Variants in SLC10A6 observed in about 807,000 individuals in gnomAD.
SLC10A6 encodes the protein sodium-dependent organic anion transporter.
Under a neutral mutation model 30.0 loss-of-function variants are expected in SLC10A6, and 27 were observed. The ratio of observed to expected loss-of-function variants is 0.90; its 90% CI spans 0.66 to 1.24. The LOEUF is 1.24. Ranked by LOEUF, SLC10A6 falls within the 50% of genes most tolerant of loss-of-function variation. The pLI is 0.00. For synonymous variants in SLC10A6, 166 were observed against 173.8 expected, an observed-to-expected ratio of 0.95 and a Z score of 0.36; for missense variants, 439 against 457.0, an observed-to-expected ratio of 0.96 and a Z score of 0.36.
rs59746499 is a variant in SLC10A6 at position 86,836,659 on chromosome 4, C to G, written c.378-3235G>C. Among the ~76,000 whole-genome samples the G allele has an allele frequency of 7.1e-3, 1,078 of 152,314 alleles. 19 individuals carry two copies. The highest frequency in any genetic ancestry group is 0.024 in the African/African-American group (1,014 of 41,568). On this transcript the variant is annotated intron_variant, in intron 1 of 5. Transcript: ENST00000273905. ...CAGTCTCAGGTATCCTGTACAGCAG[C>G]ACAAAATGGACTAAGACAATTACTA...
rs70953605 is a variant in SLC10A6, at chr4:86,824,158, TATTC to T, written c.920-260_920-257del. ...GTTGCTGACAGCTTACACACTCATATATTCATTCATTCATTCATTCATTCATTCA... is the reference window on the plus strand; with the variant it reads ...GTTGCTGACAGCTTACACACTCATATATTCATTCATTCATTCATTCATTCA... On this transcript the variant is annotated intron_variant, in intron 5 of 5. Transcript: ENST00000273905. 3.4e-3 allele frequency among the ~76,000 whole-genome samples: 522 copies of T among 152,050 alleles called. 3 individuals carry two copies. Among genetic ancestry groups the T allele is most frequent in the African/African-American group, 7.5e-3 (311 of 41,484 alleles).
At position 86,833,390 on chromosome 4, in the gene SLC10A6, G is replaced by C. The variant is rs759472191; in HGVS notation, c.412C>G (p.Leu138Val). The change falls in exon 2 of 6, where the codon CTG becomes GTG. Residue 138 changes from leucine (L) to valine (V), a missense_variant. Coordinates refer to ENST00000273905, the MANE Select transcript of SLC10A6 (RefSeq NM_197965.3). ...SMTTCSTVAA[L>V]GMMPLCIYLY... ...TAAATGCAGAGTGGCATCATTCCCA[G>C]GGCGGCCACGGTGGAACAGGTTGTC... is the stretch of plus-strand genomic sequence containing the variant. 1 of 1,613,946 alleles carries C rather than the reference G, an allele frequency of 6.2e-7. No homozygotes were observed.
chr4:86,842,847 T>TTTCTTTCTTTCG (rs1746322860), intron 1 of SLC10A6, among the ~76,000 whole-genome samples: 2 of 53,816 alleles, frequency 3.7e-5, no homozygotes, highest in Non-Finnish European at 6.8e-5. Context: ...TCTTTCTTTC[T>TTTCTTTCTTTCG]TTCTTTCTTT....
At position 86,842,529 on chromosome 4, in the gene SLC10A6, T is replaced by C. The variant is rs565578937; in HGVS notation, c.377+6210A>G. Among the ~76,000 whole-genome samples, 13 of 151,974 alleles carry C rather than the reference T, an allele frequency of 8.6e-5. No individual in the cohort carries two copies. The South Asian group carries it at 2.7e-3, about 32-fold the overall frequency. ...ACATAGTGAGACCTCATCTCTGTAA[T>C]AAAAAATAAAAAATTAGCTGGGTAT... On this transcript the variant is annotated intron_variant, in intron 1 of 5. Transcript: ENST00000273905.
At position 86,848,990 on chromosome 4, in the gene SLC10A6, C is replaced by T; in HGVS notation, c.126G>A (p.Met42Ile). Residue 42 changes from methionine to isoleucine, a missense_variant, in exon 1 of 6, where the codon ATG (methionine) becomes ATA (isoleucine). Met to Ile is a conservative substitution (Grantham distance 10). Coordinates refer to ENST00000273905, the MANE Select transcript of SLC10A6 (RefSeq NM_197965.3). Reference protein sequence around the residue: ...LVFTVVSTVMMGLLMFSLGCS... With the variant: ...LVFTVVSTVMIGLLMFSLGCS... ...ATCCCAAAGAGAACATGAGCAGCCC[C>T]ATCATCACAGTGGACACCACTGTGA... 6.2e-7 allele frequency: 1 copy of T among 1,614,178 alleles called. No homozygotes were observed. Among genetic ancestry groups the T allele is most frequent in the South Asian group, 1.1e-5 (1 of 91,070 alleles).
intron 3 of SLC10A6, 51 bp from the exon 4 acceptor site, chr4:86,828,219 A>T: frequency 6.4e-7 from 1 of 1,572,626 alleles, no homozygotes; most frequent in Non-Finnish European, 8.6e-7. Context: ...TTTTTGCTCT[A>T]TGATACAAAG....
chr4:86,829,265 G>C (rs2149410784), intron 3 of SLC10A6, among the ~76,000 whole-genome samples: 2 of 152,230 alleles, frequency 1.3e-5, no homozygotes, highest in Middle Eastern at 3.4e-3. Flanking sequence ...ACAAAAATTA[G>C]CCAGGCGTGG....
In SLC10A6 at chr4:86,833,296, C is replaced by T; in HGVS notation, c.496+10G>A. ...ACTGTTAGTCCTCCATTTCCCAGGC[C>T]CATACAGACCTATGTTCTGATAAGG... On this transcript the variant is annotated intron_variant, in intron 2 of 5. Coordinates refer to ENST00000273905, the MANE Select transcript of SLC10A6 (RefSeq NM_197965.3). 1 of 1,582,380 alleles carries T rather than the reference C, an allele frequency of 6.3e-7. No homozygotes were observed. The highest frequency in any genetic ancestry group is 8.7e-7 in the Non-Finnish European group (1 of 1,151,578).
At chr4:86,842,861 T>C (rs1403940726) in intron 1 of SLC10A6, among the ~76,000 whole-genome samples, 1 of 58,500 alleles carries the variant, frequency 1.7e-5, no homozygotes, top group Non-Finnish European at 3.0e-5. Context: ...TTTCTTTCTT[T>C]CTTTCTTTCT....
intron 1 of SLC10A6, among the ~76,000 whole-genome samples, chr4:86,845,302 G>A (rs530894284): frequency 1.1e-4 from 17 of 152,266 alleles, no homozygotes; most frequent in Non-Finnish European, 7.4e-5. Context: ...AAAGAAAGCT[G>A]GAAGAGTGTG....
intron 1 of SLC10A6, among the ~76,000 whole-genome samples, chr4:86,839,682 A>C (rs1746258076): frequency 6.6e-6 from 1 of 152,152 alleles, no homozygotes; most frequent in Non-Finnish European, 1.5e-5. Flanking sequence ...TATAATAAAC[A>C]CTCTCATACA....
At chr4:86,826,546 CAATAAATAAATA>C (rs71598412) in intron 4 of SLC10A6, among the ~76,000 whole-genome samples, 40 of 149,782 alleles carry the variant, frequency 2.7e-4, no homozygotes, top group East Asian at 5.9e-4. Context: ...AACGAGGTCT[CAATAAATAAATA>C]AATAAATAAA....
Position 86,836,130 on chromosome 4 carries a change from T to C in SLC10A6, c.378-2706A>G, listed in dbSNP as rs1459636875. ...TGAGACCATCAGAAGGAAGTTGTGG[T>C]CTTTGTTCAACAAATCCAGAATGAT... is the stretch of plus-strand genomic sequence containing the variant. On this transcript the variant is annotated intron_variant, in intron 1 of 5. Coordinates refer to ENST00000273905, the MANE Select transcript of SLC10A6 (RefSeq NM_197965.3). 3.3e-5 allele frequency among the ~76,000 whole-genome samples: 5 copies of C among 152,214 alleles called. No homozygotes were observed. The South Asian group carries it at 6.2e-4, about 19-fold the overall frequency.
Position 86,823,740 on chromosome 4 carries a change from A to G in SLC10A6, c.1082T>C (p.Met361Thr). The change falls in exon 6 of 6, where the codon ATG becomes ACG. Residue 361 changes from methionine (M) to threonine (T), a missense_variant. By Grantham distance (81) the Met-to-Thr change is moderately conservative. Transcript: ENST00000273905. ...GAITPGPPGP[M>T]DCHRALEPVG... Reference sequence around the variant, plus strand: ...TGGCTCGAGAGCCCTGTGGCAATCCATTGGCCCTGGTGGCCCAGGAGTGAT... The same window carrying G: ...TGGCTCGAGAGCCCTGTGGCAATCCGTTGGCCCTGGTGGCCCAGGAGTGAT... 1 of 1,614,112 alleles carries G rather than the reference A, an allele frequency of 6.2e-7. No homozygotes were observed. Among genetic ancestry groups the G allele is most frequent in the Non-Finnish European group, 8.5e-7 (1 of 1,179,988 alleles).
chr4:86,830,491 A>C (rs1341504780), intron 3 of SLC10A6, among the ~76,000 whole-genome samples: 3 of 152,228 alleles, frequency 2.0e-5, no homozygotes, highest in Non-Finnish European at 4.4e-5. Context: ...TCAGGTGTGC[A>C]CTATTGATGT....
At chr4:86,847,258 C>A (rs944455807) in intron 1 of SLC10A6, among the ~76,000 whole-genome samples, 12 of 152,146 alleles carry the variant, frequency 7.9e-5, no homozygotes, top group Admixed American at 6.5e-5. Context: ...TTATTATGAG[C>A]CCCAAGAAGA....
At chr4:86,847,326 C>T (rs1226325544) in intron 1 of SLC10A6, among the ~76,000 whole-genome samples, 1 of 152,160 alleles carries the variant, frequency 6.6e-6, no homozygotes, top group African/African-American at 2.4e-5. Context: ...ATATTAGTTT[C>T]CTTTTTCTTT....
rs867950312 is a variant in SLC10A6 at position 86,837,347 on chromosome 4, C to A, written c.378-3923G>T. Among the ~76,000 whole-genome samples the A allele has an allele frequency of 7.0e-3, 758 of 108,344 alleles. 17 individuals are homozygous for A. Among genetic ancestry groups the A allele is most frequent in the East Asian group, 0.064 (213 of 3,330 alleles). 71.1% of individuals were successfully genotyped at this position (108,344 alleles called of 152,430 possible). ...GAAGGAAGGAAGGAAGGAAGGAAGG[C>A]AGGCAGGCAGGCTGGGATTTGAGAA... On this transcript the variant is annotated intron_variant, in intron 1 of 5. Transcript: ENST00000273905.
intron 1 of SLC10A6, among the ~76,000 whole-genome samples, chr4:86,837,278 AGAAAGAAAAAGAAAGGAAGGAAGG>A: frequency 1.9e-5 from 2 of 105,902 alleles, no homozygotes; most frequent in African/African-American, 8.7e-5. Flanking sequence ...AAAGAAAGAA[AGAAAGAAAAAGAAAGGAAGGAAGG>A]AAGGAAGGAA....
Sources: gnomAD v4.1 joint callset for allele counts (sites outside exome capture counted in the v4.1 genomes callset) on GRCh38, gnomAD v4.1.1 for gene constraint, MANE v1.5 for transcripts, NCBI Gene and HGNC (gene_info 2026-07-23, HGNC 2026-07-21) for gene names.